CCDC171: variants seen among roughly 807,000 people sequenced by gnomAD.
The protein encoded by CCDC171 is coiled-coil domain-containing protein 171.
A neutral mutation model predicts 168.2 loss-of-function variants in CCDC171; 177 were observed. The observed-to-expected ratio is 1.05, with a 90% CI of 0.93 to 1.19. CCDC171 has a LOEUF of 1.19. CCDC171 is among the 50% of genes most tolerant of loss of function. CCDC171 has a pLI of 0.00. For missense variants in CCDC171, 1,991 were observed against 1,539.0 expected (o/e 1.29, Z -4.91); for synonymous variants, 687 against 540.8 (o/e 1.27, Z -3.75).
chr9:15,988,358 C>G (rs972420239), intron 3 of CCDC171, among the ~76,000 whole-genome samples: 1 of 152,164 alleles, frequency 6.6e-6, no homozygotes, highest in Non-Finnish European at 1.5e-5. Context: ...TTATGCTGCA[C>G]GACTTTTTAA....
At chr9:15,832,824 TATTC>T (rs2060288549) in intron 21 of CCDC171, among the ~76,000 whole-genome samples, 1 of 152,182 alleles carries the variant, frequency 6.6e-6, no homozygotes, top group African/African-American at 2.4e-5. Flanking sequence ...TTTATATTCT[TATTC>T]AGTAAGTGTT....
At chr9:15,645,630 TGAAA>T (rs1461184597) in intron 7 of CCDC171, among the ~76,000 whole-genome samples, 1 of 151,836 alleles carries the variant, frequency 6.6e-6, no homozygotes, top group Admixed American at 6.6e-5. Context: ...TTTGAACAAG[TGAAA>T]GAAAGGGTAT....
intron 25 of CCDC171, among the ~76,000 whole-genome samples, chr9:15,957,540 A>T (rs1372479591): frequency 6.6e-6 from 1 of 152,196 alleles, no homozygotes; most frequent in African/African-American, 2.4e-5. Flanking sequence ...TGAACAAAAG[A>T]TGCTAATGTT....
chr9:15,880,215 T>C (rs554473513), intron 24 of CCDC171, among the ~76,000 whole-genome samples: 1 of 152,316 alleles, frequency 6.6e-6, no homozygotes, highest in South Asian at 2.1e-4. Context: ...TGTTTGAGAT[T>C]ATTGGAATTG....
At chr9:15,908,422 G>A (rs1231176803) in intron 24 of CCDC171, among the ~76,000 whole-genome samples, 4 of 149,944 alleles carry the variant, frequency 2.7e-5, no homozygotes, top group Non-Finnish European at 4.4e-5. Flanking sequence ...ACAAAACACT[G>A]CATGTTCTCA....
the CCDC171 span, among the ~76,000 whole-genome samples, chr9:16,074,728 A>G: frequency 0.3 from 45,220 of 152,094 alleles, 7,780 homozygotes; most frequent in African/African-American, 0.48. Flanking sequence ...CAAATGTTAG[A>G]GTTTGAAAGT....
intron 3 of CCDC171, among the ~76,000 whole-genome samples, chr9:16,017,668 T>G (rs879752641): frequency 3.3e-5 from 5 of 152,240 alleles, no homozygotes; most frequent in Non-Finnish European, 7.3e-5. Context: ...GTATTAATAA[T>G]ATCATTAAAG....
intron 6 of CCDC171, among the ~76,000 whole-genome samples, chr9:15,621,611 T>C (rs2044511109): frequency 6.6e-6 from 1 of 152,166 alleles, no homozygotes; most frequent in South Asian, 2.1e-4. Context: ...ATGGCTATTA[T>C]TAAAAAGTCA....
chr9:16,013,193 CT>C (rs1311887894), intron 3 of CCDC171, among the ~76,000 whole-genome samples: 7 of 152,244 alleles, frequency 4.6e-5, no homozygotes, highest in Non-Finnish European at 8.8e-5. Flanking sequence ...TCTTACTCTC[CT>C]TGTTTAGTCT....
intron 3 of CCDC171, among the ~76,000 whole-genome samples, chr9:15,578,542 T>C (rs761021709): frequency 7.3e-5 from 11 of 151,244 alleles, no homozygotes; most frequent in Non-Finnish European, 1.3e-4. Context: ...AGTGCTGGGA[T>C]TACAGGAGTG....
intron 6 of CCDC171, among the ~76,000 whole-genome samples, chr9:15,617,507 G>T (rs999929145): frequency 1.2e-4 from 18 of 151,708 alleles, no homozygotes; most frequent in Non-Finnish European, 2.5e-4. Flanking sequence ...CTCCCAAGTA[G>T]CTGGGACTAC....
chr9:16,000,839 G>A (rs1832519581), intron 3 of CCDC171, among the ~76,000 whole-genome samples: 1 of 151,732 alleles, frequency 6.6e-6, no homozygotes. Flanking sequence ...CTTATTCTTA[G>A]CATAATTTTA....
intron 16 of CCDC171, among the ~76,000 whole-genome samples, chr9:15,742,331 C>G (rs1212417395): frequency 3.9e-5 from 6 of 152,206 alleles, no homozygotes; most frequent in South Asian, 2.1e-4. Flanking sequence ...ACTCAGTCCT[C>G]TGTTATCTGT....
chr9:15,745,638 T>C lies in CCDC171; in HGVS notation c.2671+7T>C. On this transcript the variant is annotated splice_region_variant and intron_variant, in intron 18 of 25. Coordinates refer to ENST00000380701, the MANE Select transcript of CCDC171 (RefSeq NM_173550.4). ...GACGTCATTGGTAAAGCAGGTATGGTTCCTTCTTTTATGTCCTTGCAAAAT... is the reference window on the plus strand; with the variant it reads ...GACGTCATTGGTAAAGCAGGTATGGCTCCTTCTTTTATGTCCTTGCAAAAT... The C allele has an allele frequency of 1.3e-6, 2 of 1,516,720 alleles. No homozygotes were observed. Among genetic ancestry groups the C allele is most frequent in the East Asian group, 2.4e-5 (1 of 42,082 alleles). The allele number at this position is 1,516,720 out of a possible 1,614,324, so 94.0% of individuals were successfully genotyped here.
chr9:15,711,521 T>C (rs1485945030), intron 11 of CCDC171, among the ~76,000 whole-genome samples: 1 of 152,212 alleles, frequency 6.6e-6, no homozygotes, highest in Non-Finnish European at 1.5e-5. Context: ...ATTTTAGTGA[T>C]AGAATATTAA....
chr9:15,587,980 T>C (rs1587178107), intron 4 of CCDC171, among the ~76,000 whole-genome samples: 1 of 152,174 alleles, frequency 6.6e-6, no homozygotes. Flanking sequence ...CTCACGCCTG[T>C]AATCGCAGCA....
chr9:16,047,893 G>A (rs1833686292), intron 1 of CCDC171, among the ~76,000 whole-genome samples: 1 of 151,998 alleles, frequency 6.6e-6, no homozygotes, highest in Admixed American at 6.5e-5. Context: ...TGAGGTAAGG[G>A]GACACTCATG....
At chr9:15,745,983 A>G (rs2055246604) in intron 18 of CCDC171, among the ~76,000 whole-genome samples, 1 of 152,062 alleles carries the variant, frequency 6.6e-6, no homozygotes. Context: ...TGTAAATTTC[A>G]TAAGCTTGAG....
chr9:15,937,492 A>G (rs1270329815), intron 25 of CCDC171, among the ~76,000 whole-genome samples: 3 of 151,996 alleles, frequency 2.0e-5, no homozygotes, highest in Non-Finnish European at 4.4e-5. Flanking sequence ...TATAAATATA[A>G]CTATGTATTG....
Sources: allele counts gnomAD v4.1 joint callset (sites outside exome capture counted in the v4.1 genomes callset), GRCh38; gene constraint gnomAD v4.1.1; transcripts MANE v1.5; gene names NCBI Gene and HGNC (gene_info 2026-07-23, HGNC 2026-07-21).